Variants in ENTREP2 observed in about 807,000 individuals in gnomAD.
ENTREP2 encodes the protein protein ENTREP2.
At chr15:29,163,604 C>T in the ENTREP2 span, among the ~76,000 whole-genome samples, 6 of 151,766 alleles carry the variant, frequency 4.0e-5, no homozygotes, top group Admixed American at 3.9e-4. Flanking sequence ...TAACCCAATC[C>T]CACAAAGACA....
the ENTREP2 span, among the ~76,000 whole-genome samples, chr15:29,306,912 A>AT: frequency 0.041 from 6,190 of 151,618 alleles, 436 homozygotes; most frequent in African/African-American, 0.14. Context: ...TGCCTGACTA[A>AT]TTTTTTGTAC....
At chr15:29,576,350 A>G in the ENTREP2 span, among the ~76,000 whole-genome samples, 6 of 152,226 alleles carry the variant, frequency 3.9e-5, no homozygotes, top group Non-Finnish European at 8.8e-5. Flanking sequence ...ACCTAAATAA[A>G]AGAGCAAAAA....
the ENTREP2 span, among the ~76,000 whole-genome samples, chr15:29,429,121 C>T: frequency 3.3e-5 from 5 of 152,052 alleles, no homozygotes; most frequent in Non-Finnish European, 5.9e-5. Context: ...ATCTATCCAT[C>T]CGTCCATTCA....
chr15:29,495,878 C>G, the ENTREP2 span, among the ~76,000 whole-genome samples: 1 of 151,980 alleles, frequency 6.6e-6, no homozygotes, highest in African/African-American at 2.4e-5. Flanking sequence ...TTAAAAATTG[C>G]TTGGGCTATT....
the ENTREP2 span, among the ~76,000 whole-genome samples, chr15:29,124,293 G>A: frequency 1.3e-5 from 2 of 152,334 alleles, no homozygotes; most frequent in South Asian, 2.1e-4. Context: ...AAGGACCAGC[G>A]AAGGCCCGGC....
the ENTREP2 span, among the ~76,000 whole-genome samples, chr15:29,410,395 G>T: frequency 6.6e-6 from 1 of 152,014 alleles, no homozygotes; most frequent in African/African-American, 2.4e-5. Flanking sequence ...CCCTGCAGGG[G>T]CTGCTCTGGT....
the ENTREP2 span, among the ~76,000 whole-genome samples, chr15:29,395,644 C>A: frequency 4.6e-5 from 7 of 151,842 alleles, no homozygotes; most frequent in Middle Eastern, 6.8e-3. Context: ...CCTCCCTGCT[C>A]AGCCTCCCGA....
chr15:29,298,754 T>G, the ENTREP2 span, among the ~76,000 whole-genome samples: 1 of 152,184 alleles, frequency 6.6e-6, no homozygotes, highest in African/African-American at 2.4e-5. Context: ...TACAGCCAGA[T>G]GACTTCAACA....
chr15:29,154,165 C>T, the ENTREP2 span, among the ~76,000 whole-genome samples: 4 of 152,138 alleles, frequency 2.6e-5, no homozygotes, highest in Non-Finnish European at 5.9e-5. Context: ...TTAGTTCTAA[C>T]AATTTTTTGA....
the ENTREP2 span, among the ~76,000 whole-genome samples, chr15:29,426,629 T>C: frequency 6.6e-6 from 1 of 152,216 alleles, no homozygotes; most frequent in Admixed American, 6.5e-5. Flanking sequence ...TCTGGTTTCC[T>C]TCTCACAGTA....
the ENTREP2 span, among the ~76,000 whole-genome samples, chr15:29,423,631 CA>C: frequency 0.76 from 105,990 of 139,362 alleles, 42,651 homozygotes; most frequent in Non-Finnish European, 0.91. Context: ...ACTAAAAATA[CA>C]AAAAAAAAAA....
At chr15:29,405,562 C>T in the ENTREP2 span, among the ~76,000 whole-genome samples, 1 of 152,156 alleles carries the variant, frequency 6.6e-6, no homozygotes, top group African/African-American at 2.4e-5. Flanking sequence ...ACCTCTGCCT[C>T]CCCCTCAACC....
At chr15:29,611,269 C>T in the ENTREP2 span, 2 of 151,966 alleles carry the variant, frequency 1.3e-5, no homozygotes, top group Non-Finnish European at 2.9e-5. Context: ...TCACAAAAGC[C>T]CAAAGAGTCA....
the ENTREP2 span, among the ~76,000 whole-genome samples, chr15:29,525,690 A>G: frequency 3.3e-5 from 5 of 152,338 alleles, no homozygotes; most frequent in Middle Eastern, 3.4e-3. Context: ...AAAAGACAAA[A>G]CTATAGTATG....
At chr15:29,587,913 C>T in the ENTREP2 span, among the ~76,000 whole-genome samples, 1 of 152,204 alleles carries the variant, frequency 6.6e-6, no homozygotes, top group African/African-American at 2.4e-5. Flanking sequence ...CCTGCCTCAG[C>T]TTCCTAAAGT....
At chr15:29,260,957 G>GA in the ENTREP2 span, among the ~76,000 whole-genome samples, 1 of 152,024 alleles carries the variant, frequency 6.6e-6, no homozygotes, top group Non-Finnish European at 1.5e-5. Context: ...AATACAGCCT[G>GA]AAAATATATA....
chr15:29,150,503 G>A, the ENTREP2 span, among the ~76,000 whole-genome samples: 9 of 152,156 alleles, frequency 5.9e-5, no homozygotes, highest in Non-Finnish European at 1.0e-4. Flanking sequence ...GTGAGGAGAA[G>A]CCCCTGGTAC....
At chr15:29,511,227 C>T in the ENTREP2 span, among the ~76,000 whole-genome samples, 2 of 152,286 alleles carry the variant, frequency 1.3e-5, no homozygotes, top group East Asian at 1.9e-4. Flanking sequence ...AAGACATGCT[C>T]CCATGTGTTA....
chr15:29,570,885 G>A, the ENTREP2 span, among the ~76,000 whole-genome samples: 10 of 145,024 alleles, frequency 6.9e-5, no homozygotes, highest in Non-Finnish European at 1.5e-4. Context: ...GGCCGGGCCG[G>A]GCGGGGAGCC....
Sources: gnomAD v4.1 joint callset for allele counts (sites outside exome capture counted in the v4.1 genomes callset) on GRCh38, gnomAD v4.1.1 for gene constraint, MANE v1.5 for transcripts, NCBI Gene and HGNC (gene_info 2026-07-23, HGNC 2026-07-21) for gene names.